Variants in PPP3CB observed in about 807,000 individuals in gnomAD.
PPP3CB encodes protein phosphatase 3 catalytic subunit beta, also known as serine/threonine-protein phosphatase 2B catalytic subunit beta isoform.
A neutral mutation model predicts 66.4 loss-of-function variants in PPP3CB; 8 were observed. That is an observed-to-expected ratio of 0.12 (90% CI 0.07 to 0.22). The LOEUF is 0.22. Ranked by LOEUF, PPP3CB falls within the 10% of genes least tolerant of loss-of-function variation. The pLI, the probability that PPP3CB is intolerant of heterozygous loss-of-function variation, is 1.00. For synonymous variants in PPP3CB, 208 were observed against 221.2 expected (o/e 0.94, Z 0.53); for missense variants, 319 against 642.5 (o/e 0.50, Z 5.44).
chr10:73,458,402 G>T (rs2056464957), intron 9 of PPP3CB, among the ~76,000 whole-genome samples: 1 of 152,028 alleles, frequency 6.6e-6, no homozygotes, highest in Non-Finnish European at 1.5e-5. Flanking sequence ...CTCCCAAAAT[G>T]CTGGGATTAC....
At chr10:73,493,819 T>C (rs2057118121) in intron 1 of PPP3CB, among the ~76,000 whole-genome samples, 1 of 152,204 alleles carries the variant, frequency 6.6e-6, no homozygotes, top group African/African-American at 2.4e-5. Context: ...TGGCTTTTAT[T>C]CCACACCAAT....
chr10:73,462,293 G>A (rs185097335), intron 9 of PPP3CB, among the ~76,000 whole-genome samples: 61 of 151,736 alleles, frequency 4.0e-4, no homozygotes, highest in South Asian at 2.7e-3. Flanking sequence ...CAAAGTGCTG[G>A]GATTACAGGC....
intron 10 of PPP3CB, chr10:73,448,824 C>A: frequency 2.1e-6 from 1 of 472,252 alleles, no homozygotes; most frequent in Non-Finnish European, 4.2e-6. Context: ...TGAAGGCCCT[C>A]ATATTTGGAA....
At chr10:73,468,208 C>T (rs1284549983) in intron 8 of PPP3CB, among the ~76,000 whole-genome samples, 1 of 151,968 alleles carries the variant, frequency 6.6e-6, no homozygotes, top group Non-Finnish European at 1.5e-5. Flanking sequence ...TATGGAAAAT[C>T]AGACAAAATT....
intron 9 of PPP3CB, among the ~76,000 whole-genome samples, chr10:73,466,787 G>A (rs1489534656): frequency 6.6e-6 from 1 of 151,840 alleles, no homozygotes; most frequent in Non-Finnish European, 1.5e-5. Context: ...AAATAGAGGG[G>A]GATACTGAAC....
In PPP3CB at chr10:73,444,322, A is replaced by T. The variant is rs1372415442; in HGVS notation, c.1366+403T>A. ...TAGTCCAATACAATGACATAAATTT[A>T]AAAAATTAAAAAAGAAACTTGGAAT... On this transcript the variant is annotated intron_variant, in intron 12 of 13. Transcript: ENST00000360663. 5 of 419,584 alleles carry T rather than the reference A, an allele frequency of 1.2e-5. No homozygotes were observed. In the Admixed American group the frequency reaches 1.7e-4, roughly 14 times the overall value. The allele number at this position is 419,584 out of a possible 1,614,324, so 26.0% of individuals were successfully genotyped here.
At chr10:73,482,277 G>A (rs1233858299) in intron 1 of PPP3CB, among the ~76,000 whole-genome samples, 3 of 151,646 alleles carry the variant, frequency 2.0e-5, no homozygotes, top group African/African-American at 7.3e-5. Context: ...GGATGCAGTG[G>A]CTCACGCCTG....
chr10:73,485,132 T>C (rs1195844866), intron 1 of PPP3CB, among the ~76,000 whole-genome samples: 2 of 152,220 alleles, frequency 1.3e-5, no homozygotes, highest in South Asian at 2.1e-4. Context: ...AACATTCATT[T>C]TGACCAAACT....
intron 8 of PPP3CB, among the ~76,000 whole-genome samples, chr10:73,468,198 T>C (rs2132912095): frequency 6.6e-6 from 1 of 152,280 alleles, no homozygotes; most frequent in Non-Finnish European, 1.5e-5. Context: ...TTTCATTTAA[T>C]ATGGAAAATC....
intron 1 of PPP3CB, among the ~76,000 whole-genome samples, chr10:73,485,945 TGTG>T (rs1328765987): frequency 9.7e-5 from 14 of 144,898 alleles, no homozygotes; most frequent in Admixed American, 2.2e-4. Context: ...TGTGTGTGTG[TGTG>T]TGTATTTTTT....
chr10:73,484,236 C>CT (rs1363002940), intron 1 of PPP3CB, among the ~76,000 whole-genome samples: 2 of 151,866 alleles, frequency 1.3e-5, no homozygotes, highest in Non-Finnish European at 2.9e-5. Context: ...AAAGGTTTTG[C>CT]TTTTTTTATT....
intron 9 of PPP3CB, among the ~76,000 whole-genome samples, chr10:73,466,404 T>G (rs2132902412): frequency 1.3e-5 from 2 of 152,306 alleles, no homozygotes; most frequent in African/African-American, 4.8e-5. Flanking sequence ...CTTCCCATAT[T>G]ACATTAAAAC....
At chr10:73,443,267 A>G (rs2056184328) in intron 12 of PPP3CB, among the ~76,000 whole-genome samples, 2 of 127,746 alleles carry the variant, frequency 1.6e-5, no homozygotes, top group Admixed American at 1.5e-4. Flanking sequence ...AGAGAGAGAG[A>G]GAAAGAAAGA....
At chr10:73,490,573 CTTTG>C (rs2057056172) in intron 1 of PPP3CB, among the ~76,000 whole-genome samples, 1 of 152,160 alleles carries the variant, frequency 6.6e-6, no homozygotes, top group Non-Finnish European at 1.5e-5. Flanking sequence ...GATTGGCACG[CTTTG>C]TTTAATAAAT....
intron 1 of PPP3CB, among the ~76,000 whole-genome samples, chr10:73,491,686 G>A (rs1271250116): frequency 5.9e-5 from 9 of 152,144 alleles, no homozygotes; most frequent in Non-Finnish European, 8.8e-5. Flanking sequence ...TAAGTAATCT[G>A]GCTAGGCACG....
intron 9 of PPP3CB, among the ~76,000 whole-genome samples, chr10:73,464,483 G>A (rs753728341): frequency 6.6e-6 from 1 of 152,062 alleles, no homozygotes; most frequent in Non-Finnish European, 1.5e-5. Context: ...TAGAACAGAG[G>A]TTCTTAAAGG....
intron 1 of PPP3CB, among the ~76,000 whole-genome samples, chr10:73,484,507 G>A (rs1487455790): frequency 6.6e-6 from 1 of 151,600 alleles, no homozygotes; most frequent in Non-Finnish European, 1.5e-5. Flanking sequence ...TCCTGACCTC[G>A]TGTTCTGCCC....
chr10:73,483,164 C>G (rs1246684703), intron 1 of PPP3CB, among the ~76,000 whole-genome samples: 1 of 152,200 alleles, frequency 6.6e-6, no homozygotes, highest in African/African-American at 2.4e-5. Context: ...AGTTAGTTAT[C>G]TAAAGACCTG....
chr10:73,459,908 T>C (rs929687520), intron 9 of PPP3CB, among the ~76,000 whole-genome samples: 2 of 152,150 alleles, frequency 1.3e-5, no homozygotes, highest in African/African-American at 4.8e-5. Flanking sequence ...CTCTGTAGTA[T>C]ATAAAAAACA....
Sources: allele counts gnomAD v4.1 joint callset (sites outside exome capture counted in the v4.1 genomes callset), GRCh38; gene constraint gnomAD v4.1.1; transcripts MANE v1.5; gene names NCBI Gene and HGNC (gene_info 2026-07-23, HGNC 2026-07-21).